Variants in DHX29 observed in about 807,000 individuals in gnomAD.
DHX29 encodes the protein DExH-box helicase 29.
A neutral mutation model predicts 167.9 loss-of-function variants in DHX29; 79 were observed. That is an observed-to-expected ratio of 0.47 (90% CI 0.39 to 0.57). The LOEUF (loss-of-function observed/expected upper bound fraction) is 0.57. DHX29 is among the 20% of genes least tolerant of loss of function. DHX29 has a pLI of 0.00. For missense variants in DHX29, 1,347 were observed against 1,593.4 expected, an observed-to-expected ratio of 0.85 and a Z score of 2.63; for synonymous variants, 530 against 546.0, an observed-to-expected ratio of 0.97 and a Z score of 0.41.
chr5:55,271,184 G>T (rs1242603517), intron 18 of DHX29, among the ~76,000 whole-genome samples: 1 of 152,176 alleles, frequency 6.6e-6, no homozygotes, highest in Non-Finnish European at 1.5e-5. Context: ...TAAAACAGGG[G>T]TAGTGTATCT....
Position 55,262,836 on chromosome 5 carries a change from G to A in DHX29, c.3622C>T (p.Leu1208Phe). The A allele has an allele frequency of 6.2e-7, 1 of 1,614,066 alleles. No homozygotes were observed. The highest frequency in any genetic ancestry group is 1.1e-5 in the South Asian group (1 of 91,082). The change falls in exon 24 of 27, where the codon CTC becomes TTC. Residue 1208 changes from leucine (L) to phenylalanine (F), a missense_variant. Physicochemically the swap from Leu to Phe is conservative, Grantham distance 22 (BLOSUM62 0). Coordinates refer to ENST00000251636, the MANE Select transcript of DHX29 (RefSeq NM_019030.4). ...SWEGNRASQT[L>F]SFQEIALLKA... ...AGAAGGGCAATTTCTTGGAATGAGAGGGTCTGTGAGGCTCTGTTTCCTTCC... is the reference window on the plus strand; with the variant it reads ...AGAAGGGCAATTTCTTGGAATGAGAAGGTCTGTGAGGCTCTGTTTCCTTCC...
At chr5:55,258,406 C>G (rs145834693) in intron 26 of DHX29, among the ~76,000 whole-genome samples, 84 of 152,118 alleles carry the variant, frequency 5.5e-4, no homozygotes, top group African/African-American at 2.0e-3. Flanking sequence ...AATGGGATAG[C>G]CTTAGAGGGG....
intron 1 of DHX29, among the ~76,000 whole-genome samples, chr5:55,299,612 G>A (rs1165146795): frequency 1.3e-5 from 2 of 152,038 alleles, no homozygotes; most frequent in Admixed American, 1.3e-4. Context: ...AGCTTCTGGT[G>A]GCAGCATAAC....
At position 55,290,454 on chromosome 5, in the gene DHX29, G is replaced by A; in HGVS notation, c.781-110C>T. On this transcript the variant is annotated intron_variant, in intron 6 of 26. Coordinates refer to ENST00000251636, the MANE Select transcript of DHX29 (RefSeq NM_019030.4). ...CTGTGATATTTTTACCTTATCCTTT[G>A]ATCCAGCAAATCTACTTTTAGGAAT... The A allele has an allele frequency of 3.1e-6, 4 of 1,292,152 alleles. No homozygotes were observed. The South Asian group carries it at 6.7e-5, about 22-fold the overall frequency. 80.0% of individuals were successfully genotyped at this position (1,292,152 alleles called of 1,614,324 possible). A position where few individuals can be genotyped will look rare whatever the true frequency, so the allele number is the denominator to read the frequency against.
At chr5:55,286,791 C>T (rs1266041846) in intron 8 of DHX29, among the ~76,000 whole-genome samples, 1 of 152,212 alleles carries the variant, frequency 6.6e-6, no homozygotes, top group Admixed American at 6.5e-5. Flanking sequence ...GCAGCTATGA[C>T]ACTGGATAGT....
At chr5:55,307,202 T>C (rs1748915180) in intron 1 of DHX29, among the ~76,000 whole-genome samples, 185 bp downstream of exon 1, 1 of 152,224 alleles carries the variant, frequency 6.6e-6, no homozygotes, top group Non-Finnish European at 1.5e-5. Flanking sequence ...GTCAGAATTT[T>C]GGAGGCCCAA....
rs1746630024 is a variant in DHX29, at chr5:55,267,344, G to A, written c.3432-113C>T. 33 of 766,410 alleles carry A rather than the reference G, an allele frequency of 4.3e-5. No individual in the cohort carries two copies. The South Asian group carries it at 6.6e-4, about 15-fold the overall frequency. The allele number at this position is 766,410 out of a possible 1,614,324, so 47.5% of individuals were successfully genotyped here. ...TTAATTAAATTATAATTTTAAAAGGGGAGGGATCTTGCTTGTAGCAGCTAC... is the reference window on the plus strand; with the variant it reads ...TTAATTAAATTATAATTTTAAAAGGAGAGGGATCTTGCTTGTAGCAGCTAC... On this transcript the variant is annotated intron_variant, in intron 22 of 26. Coordinates refer to ENST00000251636, the MANE Select transcript of DHX29 (RefSeq NM_019030.4).
chr5:55,279,738 G>GT (rs550132982), intron 12 of DHX29: 2,739 of 110,868 alleles, frequency 0.025, 26 homozygotes, highest in Middle Eastern at 0.037. Flanking sequence ...TGCTGTTTTT[G>GT]TTTTTTTTTT....
In DHX29 at chr5:55,277,162, T is replaced by G; in HGVS notation, c.2230A>C (p.Thr744Pro). The G allele has an allele frequency of 6.2e-7, 1 of 1,613,050 alleles. No individual in the cohort carries two copies. Among genetic ancestry groups the G allele is most frequent in the African/African-American group, 1.3e-5 (1 of 75,034 alleles). Residue 744 changes from threonine (T) to proline (P), a missense_variant, in exon 13 of 27, where the codon ACA (threonine) becomes CCA (proline). By Grantham distance (38) the Thr-to-Pro change is conservative (BLOSUM62 -1). Transcript: ENST00000251636. ...AGAATGGGGCAGTGTGTGAAATATG[T>G]AGAAAATTTTTCGCTGTCCACAGTG... ...SATVDSEKFS[T>P]YFTHCPILRI...
At chr5:55,261,699 G>A (rs770285029) in intron 24 of DHX29, among the ~76,000 whole-genome samples, 200 bp from the exon 25 acceptor site, 3 of 151,902 alleles carry the variant, frequency 2.0e-5, no homozygotes, top group African/African-American at 4.8e-5. Context: ...GTGCATTAAT[G>A]CTATGAAAAG....
rs1357519065 is a variant in DHX29 at position 55,256,271 on chromosome 5, A to C, written c.*217T>G. 8.2e-6 allele frequency: 3 copies of C among 367,340 alleles called. No individual in the cohort carries two copies. Among genetic ancestry groups the C allele is most frequent in the Non-Finnish European group, 1.5e-5 (3 of 203,678 alleles). The allele number at this position is 367,340 out of a possible 1,614,324, so 22.8% of individuals were successfully genotyped here. A position where few individuals can be genotyped will look rare whatever the true frequency, so the allele number is the denominator to read the frequency against. Reference sequence around the variant, plus strand: ...GCATAATACCAAAGAATTTATTGTAAATGTAGTGGCAAATACATTCAGAAT... The same window carrying C: ...GCATAATACCAAAGAATTTATTGTACATGTAGTGGCAAATACATTCAGAAT... On this transcript the variant is annotated 3_prime_UTR_variant, in exon 27 of 27. Transcript: ENST00000251636.
chr5:55,269,457 T>A lies in DHX29; in HGVS notation c.3250A>T (p.Lys1084Ter). 1 of 1,613,614 alleles carries A rather than the reference T, an allele frequency of 6.2e-7. No individual in the cohort carries two copies. Residue 1084 changes from lysine (K) to a stop codon, truncating the protein, a stop_gained, in exon 21 of 27, where the codon AAG becomes TAG. Coordinates refer to ENST00000251636, the MANE Select transcript of DHX29 (RefSeq NM_019030.4). LOFTEE classifies it high-confidence loss of function. ...AALPVNVKIG[K>*]MLIFGAIFGC... Reference sequence around the variant, plus strand: ...AATATGGCACCAAAAATAAGCATCTTGCCAATCTTGACATTCACAGGTAAA... The same window carrying A: ...AATATGGCACCAAAAATAAGCATCTAGCCAATCTTGACATTCACAGGTAAA...
Position 55,283,805 on chromosome 5 carries a change from G to A in DHX29, c.1363C>T (p.His455Tyr). ...LYRLVKGQSV[H>Y]QLLPPTYRDV... ...CGGTAAGTGGGAGGAAGTAACTGAT[G>A]AACTGACTAAAGGAAAAACAGAGGT... Residue 455 changes from histidine to tyrosine, a missense_variant, in exon 11 of 27, where the codon CAT (histidine) becomes TAT (tyrosine). Physicochemically the swap from His to Tyr is moderately conservative, Grantham distance 83. Coordinates refer to ENST00000251636, the MANE Select transcript of DHX29 (RefSeq NM_019030.4). 1 of 1,584,304 alleles carries A rather than the reference G, an allele frequency of 6.3e-7. No individual in the cohort carries two copies. The highest frequency in any genetic ancestry group is 8.6e-7 in the Non-Finnish European group (1 of 1,168,892).
At chr5:55,276,525 GA>G (rs1203735422) in intron 13 of DHX29, 119 bp from the exon 14 acceptor site, 7 of 806,180 alleles carry the variant, frequency 8.7e-6, no homozygotes, top group African/African-American at 3.7e-5. Context: ...AGAATATTAT[GA>G]AAAAAAATTT....
At chr5:55,267,626 T>C (rs1342924727) in intron 22 of DHX29, 60 bp downstream of exon 22, 1 of 1,455,474 alleles carries the variant, frequency 6.9e-7, no homozygotes, top group Non-Finnish European at 9.3e-7. Flanking sequence ...AGGTAATATA[T>C]TTTAAAGTAA....
chr5:55,266,002 T>G (rs949596662), intron 23 of DHX29, among the ~76,000 whole-genome samples: 1 of 151,966 alleles, frequency 6.6e-6, no homozygotes, highest in Admixed American at 6.6e-5. Context: ...TTTTTTTTTT[T>G]CCTTTTCTTT....
intron 26 of DHX29, 123 bp from the exon 27 acceptor site, chr5:55,256,663 A>T: frequency 1.4e-6 from 1 of 714,448 alleles, no homozygotes; most frequent in Non-Finnish European, 2.1e-6. Context: ...CAGAATTAAC[A>T]CCAGTAATAA....
Position 55,269,473 on chromosome 5 carries a change from C to T in DHX29, c.3234G>A (p.Val1078=). Residue 1078 remains valine, a synonymous_variant, in exon 21 of 27, where the codon GTG becomes GTA. Transcript: ENST00000251636. ...TAAGCATCTTGCCAATCTTGACATTCACAGGTAAAGCTGCAAGGTGTTGGC... is the reference window on the plus strand; with the variant it reads ...TAAGCATCTTGCCAATCTTGACATTTACAGGTAAAGCTGCAAGGTGTTGGC... ...PLGQHLAALP[V]NVKIGKMLIF... The T allele has an allele frequency of 1.9e-6, 3 of 1,613,936 alleles. No individual in the cohort carries two copies. The highest frequency in any genetic ancestry group is 2.5e-6 in the Non-Finnish European group (3 of 1,180,008).
At position 55,274,616 on chromosome 5, in the gene DHX29, T is replaced by A; in HGVS notation, c.2688A>T (p.Glu896Asp). ...ATATAATGAAGATGAGTAGTTACCG[T>A]TCAGAATAAAATCTTCTATCATTTG... The part of the protein sequence containing the change: ...LLSNDRRFYS[E>D]RYKVIALHSI... Residue 896 changes from glutamate (E) to aspartate (D), a missense_variant and splice_region_variant, in exon 16 of 27, where the codon GAA becomes GAT. Transcript: ENST00000251636. The A allele has an allele frequency of 6.3e-7, 1 of 1,578,156 alleles. No homozygotes were observed. Among genetic ancestry groups the A allele is most frequent in the Non-Finnish European group, 8.6e-7 (1 of 1,163,780 alleles).
Sources: allele counts gnomAD v4.1 joint callset (sites outside exome capture counted in the v4.1 genomes callset), GRCh38; gene constraint gnomAD v4.1.1; transcripts MANE v1.5; gene names NCBI Gene and HGNC (gene_info 2026-07-23, HGNC 2026-07-21).